Variants in LRR1 observed in about 807,000 individuals in gnomAD.
LRR1 encodes leucine rich repeat protein 1, also known as leucine-rich repeat protein 1.
In LRR1, 29 loss-of-function variants were observed where a neutral mutation model predicts 31.6. That is an observed-to-expected ratio of 0.92 (90% CI 0.68 to 1.25). The LOEUF (loss-of-function observed/expected upper bound fraction) is 1.25, where lower values mean the gene tolerates loss of function less well. Ranked by LOEUF, LRR1 falls within the 50% of genes most tolerant of loss-of-function variation. The pLI, the probability that LRR1 is intolerant of heterozygous loss-of-function variation, is 0.00. For missense variants in LRR1, 485 were observed against 487.2 expected (o/e 1.00, Z 0.04); for synonymous variants, 179 against 181.4 (o/e 0.99, Z 0.10).
intron 1 of LRR1, chr14:49,601,758 A>T: frequency 1.4e-5 from 15 of 1,080,340 alleles, no homozygotes; most frequent in Non-Finnish European, 1.7e-5. Flanking sequence ...GAGTTACTGG[A>T]CAGACAGAGC....
At chr14:49,601,486 G>A (rs1268205337) in intron 1 of LRR1, 1 of 597,354 alleles carries the variant, frequency 1.7e-6, no homozygotes, top group Non-Finnish European at 2.8e-6. Context: ...CATTTATATA[G>A]ATGATAATCA....
In LRR1 at chr14:49,598,945, C is replaced by T; in HGVS notation, c.-76C>T. 6.6e-7 allele frequency: 1 copy of T among 1,511,762 alleles called. No individual in the cohort carries two copies. Among genetic ancestry groups the T allele is most frequent in the Admixed American group, 2.1e-5 (1 of 48,686 alleles). 93.6% of individuals were successfully genotyped at this position (1,511,762 alleles called of 1,614,324 possible). A position where few individuals can be genotyped will look rare whatever the true frequency, so the allele number is the denominator to read the frequency against. ...AGTGGGCAGCCCGCGTGCGCGAGGACCCCGATGGCGGCGCCGGGTGGCGGG... is the reference window on the plus strand; with the variant it reads ...AGTGGGCAGCCCGCGTGCGCGAGGATCCCGATGGCGGCGCCGGGTGGCGGG... On this transcript the variant is annotated 5_prime_UTR_variant, in exon 1 of 4. Transcript: ENST00000298288.
At chr14:49,601,725 A>G (rs1882060029) in intron 1 of LRR1, 1 of 1,271,972 alleles carries the variant, frequency 7.9e-7, no homozygotes, top group Non-Finnish European at 1.0e-6. Flanking sequence ...CTCTCAAAAC[A>G]TGGTGATCCT....
At chr14:49,600,751 G>A (rs1882024194) in intron 1 of LRR1, 1 of 914,446 alleles carries the variant, frequency 1.1e-6, no homozygotes, top group African/African-American at 1.7e-5. Context: ...TCAGAATTCT[G>A]TAAAGTTTAT....
intron 3 of LRR1, chr14:49,612,771 C>A: frequency 2.1e-6 from 1 of 477,726 alleles, no homozygotes; most frequent in Non-Finnish European, 2.8e-6. Flanking sequence ...AAGCTAGAGA[C>A]TAGAGAAACA....
At chr14:49,612,976 G>A (rs1882567156) in intron 3 of LRR1, among the ~76,000 whole-genome samples, 1 of 152,110 alleles carries the variant, frequency 6.6e-6, no homozygotes, top group Non-Finnish European at 1.5e-5. Context: ...GAGGTGGGCG[G>A]ATCACTTGAG....
chr14:49,603,683 T>TTTTTTC (rs1882169530), intron 2 of LRR1: 2 of 638,882 alleles, frequency 3.1e-6, no homozygotes, highest in African/African-American at 9.1e-5. Flanking sequence ...AATCATTCCT[T>TTTTTTC]TTTTTTTTTT....
intron 3 of LRR1, among the ~76,000 whole-genome samples, chr14:49,614,053 T>C (rs1246193464): frequency 1.3e-5 from 2 of 152,234 alleles, no homozygotes; most frequent in Non-Finnish European, 2.9e-5. Flanking sequence ...TAGGGAGTTA[T>C]GCTATTAAGT....
chr14:49,609,217 C>CTTTT (rs746422046), intron 3 of LRR1, among the ~76,000 whole-genome samples: 1 of 76,906 alleles, frequency 1.3e-5, no homozygotes, highest in African/African-American at 5.5e-5. Flanking sequence ...ACACCTGGCC[C>CTTTT]TTTTTTTTTT....
intron 3 of LRR1, among the ~76,000 whole-genome samples, chr14:49,609,335 T>C (rs1409509476): frequency 6.9e-6 from 1 of 145,072 alleles, no homozygotes; most frequent in East Asian, 2.1e-4. Flanking sequence ...AAGCAACTCT[T>C]CTGCCTCAGC....
At chr14:49,606,020 CTTT>C (rs57012174) in intron 2 of LRR1, among the ~76,000 whole-genome samples, 1 of 144,124 alleles carries the variant, frequency 6.9e-6, no homozygotes, top group African/African-American at 2.6e-5. Flanking sequence ...CAAAAATTAG[CTTT>C]TTTTTTTTTC....
intron 1 of LRR1, chr14:49,600,379 C>T (rs1566490704): frequency 6.3e-7 from 1 of 1,598,100 alleles, no homozygotes; most frequent in East Asian, 2.2e-5. Flanking sequence ...CGAGATGACC[C>T]CAAAACTTTA....
intron 1 of LRR1, chr14:49,599,937 G>A (rs1306983345): frequency 1.4e-6 from 2 of 1,431,248 alleles, no homozygotes; most frequent in Non-Finnish European, 1.9e-6. Flanking sequence ...GCTGAGCCCG[G>A]GGCCGGGGCG....
chr14:49,604,536 C>T (rs1049952468), intron 2 of LRR1, among the ~76,000 whole-genome samples: 1 of 150,478 alleles, frequency 6.6e-6, no homozygotes, highest in Admixed American at 6.6e-5. Context: ...CCCATCTCTA[C>T]AAAAAAATTA....
chr14:49,599,935 C>G, intron 1 of LRR1: 2 of 1,381,346 alleles, frequency 1.4e-6, no homozygotes. Flanking sequence ...AGGCTGAGCC[C>G]GGGGCCGGGG....
chr14:49,610,457 G>T (rs948461114), intron 3 of LRR1, among the ~76,000 whole-genome samples: 1 of 151,728 alleles, frequency 6.6e-6, no homozygotes, highest in South Asian at 2.1e-4. Flanking sequence ...GTTTCACCAC[G>T]TTGGCCAGGC....
At chr14:49,600,994 T>C in intron 1 of LRR1, 1 of 1,606,260 alleles carries the variant, frequency 6.2e-7, no homozygotes, top group Non-Finnish European at 8.5e-7. Flanking sequence ...AAGAAATATC[T>C]CCCTTTTCTC....
intron 1 of LRR1, chr14:49,600,170 A>G: frequency 6.8e-6 from 10 of 1,478,590 alleles, no homozygotes; most frequent in South Asian, 1.1e-5. Context: ...AGTACCTCCT[A>G]GGACTCTATA....
chr14:49,613,148 G>A (rs549820188), intron 3 of LRR1, among the ~76,000 whole-genome samples: 1 of 152,010 alleles, frequency 6.6e-6, no homozygotes, highest in African/African-American at 2.4e-5. Flanking sequence ...GACCATCCTG[G>A]CTAACATGGT....
Sources: allele counts gnomAD v4.1 joint callset (sites outside exome capture counted in the v4.1 genomes callset), GRCh38; gene constraint gnomAD v4.1.1; transcripts MANE v1.5; gene names NCBI Gene and HGNC (gene_info 2026-07-23, HGNC 2026-07-21).